The following KCNQ3 variants were observed in gnomAD, a reference collection of about 807,000 sequenced individuals.
KCNQ3 encodes potassium voltage-gated channel subfamily KQT member 3.
A neutral mutation model predicts 92.5 loss-of-function variants in KCNQ3; 30 were observed. The observed-to-expected ratio is 0.32, with a 90% CI of 0.24 to 0.44. KCNQ3 has a LOEUF of 0.44. KCNQ3 is among the 20% of genes least tolerant of loss of function. KCNQ3 has a pLI of 1.00. For synonymous variants in KCNQ3, 450 were observed against 468.8 expected (o/e 0.96, Z 0.52); for missense variants, 913 against 1,140.3 (o/e 0.80, Z 2.87).
At chr8:132,224,165 C>T (rs1814331848) in intron 1 of KCNQ3, among the ~76,000 whole-genome samples, 1 of 138,740 alleles carries the variant, frequency 7.2e-6, no homozygotes, top group Admixed American at 7.7e-5. Context: ...GAACTCCTGG[C>T]CTCAAGTGAT....
intron 2 of KCNQ3, among the ~76,000 whole-genome samples, chr8:132,185,510 T>C (rs890384720): frequency 6.6e-6 from 1 of 152,212 alleles, no homozygotes; most frequent in African/African-American, 2.4e-5. Context: ...TGACCTTACA[T>C]TTTTTAGGCA....
At chr8:132,354,331 T>A (rs1024357355) in intron 1 of KCNQ3, among the ~76,000 whole-genome samples, 4 of 152,210 alleles carry the variant, frequency 2.6e-5, no homozygotes, top group Non-Finnish European at 5.9e-5. Flanking sequence ...GCTAAATGAT[T>A]GCTATATAGT....
At chr8:132,156,447 C>A (rs1388042829) in intron 9 of KCNQ3, among the ~76,000 whole-genome samples, 1 of 152,028 alleles carries the variant, frequency 6.6e-6, no homozygotes, top group East Asian at 2.0e-4. Flanking sequence ...AACTCTACTA[C>A]CTAGTTATTT....
chr8:132,269,419 T>C (rs1373058179), intron 1 of KCNQ3, among the ~76,000 whole-genome samples: 1 of 152,242 alleles, frequency 6.6e-6, no homozygotes, highest in African/African-American at 2.4e-5. Flanking sequence ...ATTTATTTAT[T>C]TTTTTGCATC....
At chr8:132,347,467 T>G (rs530866621) in intron 1 of KCNQ3, among the ~76,000 whole-genome samples, 9 of 152,306 alleles carry the variant, frequency 5.9e-5, no homozygotes, top group African/African-American at 2.2e-4. Context: ...GTGGAATTAT[T>G]TGCTAGCGGG....
At chr8:132,151,480 A>G (rs1825634565) in intron 9 of KCNQ3, among the ~76,000 whole-genome samples, 1 of 152,234 alleles carries the variant, frequency 6.6e-6, no homozygotes, top group African/African-American at 2.4e-5. Flanking sequence ...ACAAAATTCC[A>G]TGTGTGAATA....
chr8:132,445,138 T>G (rs969603913), intron 1 of KCNQ3, among the ~76,000 whole-genome samples: 1 of 152,162 alleles, frequency 6.6e-6, no homozygotes, highest in South Asian at 2.1e-4. Flanking sequence ...AAGGACCAAC[T>G]GGTGTCATGA....
chr8:132,433,038 T>C (rs1006452737), intron 1 of KCNQ3, among the ~76,000 whole-genome samples: 2 of 152,202 alleles, frequency 1.3e-5, no homozygotes, highest in Admixed American at 1.3e-4. Flanking sequence ...TTCTGAGTTA[T>C]CATAATTATT....
chr8:132,171,547 G>C (rs1283183319), intron 7 of KCNQ3, among the ~76,000 whole-genome samples: 1 of 152,224 alleles, frequency 6.6e-6, no homozygotes, highest in East Asian at 1.9e-4. Context: ...TGTGAGGCTA[G>C]TGATGGAGAT....
At chr8:132,385,165 G>A (rs2395493) in intron 1 of KCNQ3, among the ~76,000 whole-genome samples, 4,244 of 152,366 alleles carry the variant, frequency 0.028, 77 homozygotes, top group Non-Finnish European at 0.045. Flanking sequence ...GCCCCAACTT[G>A]AAACAATTCT....
intron 1 of KCNQ3, among the ~76,000 whole-genome samples, chr8:132,228,356 A>G (rs1290780669): frequency 6.6e-6 from 1 of 152,114 alleles, no homozygotes; most frequent in Non-Finnish European, 1.5e-5. Context: ...CCATCTATCC[A>G]TTCACTGAGT....
chr8:132,349,434 G>C lies in KCNQ3; in HGVS notation c.386+130713C>G, dbSNP rs951081115. ...CGGGGGGAAGAACAGAAAGAGAAGA[G>C]AGAAAGAAGTCTGCTGTACTTGGTG... On this transcript the variant is annotated intron_variant, in intron 1 of 14. Coordinates refer to ENST00000388996, the MANE Select transcript of KCNQ3 (RefSeq NM_004519.4). 6.3e-4 allele frequency among the ~76,000 whole-genome samples: 96 copies of C among 152,256 alleles called. 1 individual carries two copies. The highest frequency in any genetic ancestry group is 2.1e-3 in the African/African-American group (85 of 41,462).
At chr8:132,404,204 A>T (rs1193026120) in intron 1 of KCNQ3, among the ~76,000 whole-genome samples, 1 of 152,190 alleles carries the variant, frequency 6.6e-6, no homozygotes, top group Non-Finnish European at 1.5e-5. Context: ...TTCTAGATGG[A>T]AAGAAGCATC....
intron 1 of KCNQ3, among the ~76,000 whole-genome samples, chr8:132,449,387 G>A (rs1469701069): frequency 6.6e-6 from 1 of 151,866 alleles, no homozygotes; most frequent in Non-Finnish European, 1.5e-5. Context: ...GGTCTACAGT[G>A]AACATAGTAC....
At chr8:132,207,885 C>T (rs1488021896) in intron 1 of KCNQ3, among the ~76,000 whole-genome samples, 2 of 116,038 alleles carry the variant, frequency 1.7e-5, no homozygotes, top group Non-Finnish European at 3.6e-5. Flanking sequence ...AGAATGGAAA[C>T]ATTTAGTGGC....
At position 132,250,052 on chromosome 8, in the gene KCNQ3, C is replaced by T. The variant is rs189995730; in HGVS notation, c.387-63871G>A. 1.9e-3 allele frequency among the ~76,000 whole-genome samples: 292 copies of T among 152,298 alleles called. 2 individuals are homozygous for T. The highest frequency in any genetic ancestry group is 6.8e-3 in the Middle Eastern group (2 of 294). On this transcript the variant is annotated intron_variant, in intron 1 of 14. Transcript: ENST00000388996. ...CCGTGCCTCTCCCTCCACACCTCCC[C>T]GCAAGCAGAGGGAGCCGGCTCCAGC... is the stretch of plus-strand genomic sequence containing the variant.
chr8:132,196,986 A>G (rs1291816311), intron 1 of KCNQ3, among the ~76,000 whole-genome samples: 1 of 151,820 alleles, frequency 6.6e-6, no homozygotes, highest in Non-Finnish European at 1.5e-5. Flanking sequence ...GGTGAGGCCA[A>G]TGACTGTGTT....
At chr8:132,440,310 T>C (rs963839875) in intron 1 of KCNQ3, among the ~76,000 whole-genome samples, 2 of 152,214 alleles carry the variant, frequency 1.3e-5, no homozygotes, top group African/African-American at 4.8e-5. Flanking sequence ...AGTGCTGCCC[T>C]GCACTTGCAC....
chr8:132,298,886 CGACAAGAGTGAAACCCCAT>C (rs1361322820), intron 1 of KCNQ3, among the ~76,000 whole-genome samples: 1 of 151,856 alleles, frequency 6.6e-6, no homozygotes, highest in Non-Finnish European at 1.5e-5. Flanking sequence ...CCAGTCTGGG[CGACAAGAGTGAAACCCCAT>C]CTCAGAAACA....
Sources: gnomAD v4.1 joint callset for allele counts (sites outside exome capture counted in the v4.1 genomes callset) on GRCh38, gnomAD v4.1.1 for gene constraint, MANE v1.5 for transcripts, NCBI Gene and HGNC (gene_info 2026-07-23, HGNC 2026-07-21) for gene names.